SAMD12: variants seen among roughly 807,000 people sequenced by gnomAD.
SAMD12 encodes the protein sterile alpha motif domain containing 12, also known as sterile alpha motif domain-containing protein 12.
A neutral mutation model predicts 15.0 loss-of-function variants in SAMD12; 9 were observed. That is an observed-to-expected ratio of 0.60 (90% CI 0.36 to 1.05). The LOEUF (loss-of-function observed/expected upper bound fraction) is 1.05. Ranked by LOEUF, SAMD12 falls within the 50% of genes least tolerant of loss-of-function variation. The pLI, the probability that SAMD12 is intolerant of heterozygous loss-of-function variation, is 0.01. For missense variants in SAMD12, 230 were observed against 234.2 expected (o/e 0.98, Z 0.12); for synonymous variants, 86 against 90.1 (o/e 0.96, Z 0.25).
chr8:118,589,642 A>G (rs777958214), intron 1 of SAMD12, among the ~76,000 whole-genome samples: 8 of 152,220 alleles, frequency 5.3e-5, no homozygotes, highest in Non-Finnish European at 8.8e-5. Context: ...CAGAAGTTCT[A>G]TGATGCTTTA....
intron 4 of SAMD12, among the ~76,000 whole-genome samples, chr8:118,332,193 A>T (rs1043279898): frequency 3.9e-5 from 6 of 152,272 alleles, no homozygotes; most frequent in African/African-American, 1.4e-4. Context: ...TGAAAGGCTG[A>T]AAGTGTATAA....
At chr8:118,376,940 C>G (rs1281188516), downstream of SAMD12, among the ~76,000 whole-genome samples, 2 of 147,676 alleles carry the variant, frequency 1.4e-5, no homozygotes, top group Non-Finnish European at 3.0e-5. Context: ...TATAGCAAAC[C>G]TAGACCCAAA....
intron 2 of SAMD12, among the ~76,000 whole-genome samples, chr8:118,457,350 C>A (rs1447410795): frequency 6.6e-6 from 1 of 151,758 alleles, no homozygotes; most frequent in Non-Finnish European, 1.5e-5. Context: ...CCCACCTTAG[C>A]CTCCTGAACA....
At chr8:118,368,255 G>A (rs753250751) in intron 4 of SAMD12, among the ~76,000 whole-genome samples, 1 of 152,180 alleles carries the variant, frequency 6.6e-6, no homozygotes, top group Non-Finnish European at 1.5e-5. Flanking sequence ...GAAGGGACAC[G>A]TGATTCGCAG....
At chr8:118,394,690 C>G (rs1415885931) in intron 3 of SAMD12, 1 of 152,330 alleles carries the variant, frequency 6.6e-6, no homozygotes, top group East Asian at 1.9e-4. Flanking sequence ...CTGCAACAGT[C>G]ACCTAGTAGA....
At chr8:118,165,632 A>T in the SAMD12 span, among the ~76,000 whole-genome samples, 1 of 143,076 alleles carries the variant, frequency 7.0e-6, no homozygotes, top group African/African-American at 2.7e-5. Context: ...ATATATATAT[A>T]TATACATATA....
At chr8:118,406,585 T>G (rs1821141094) in intron 3 of SAMD12, among the ~76,000 whole-genome samples, 1 of 152,126 alleles carries the variant, frequency 6.6e-6, no homozygotes. Flanking sequence ...TTAACCATTT[T>G]AAAGTGGACA....
chr8:118,165,994 G>A, the SAMD12 span, among the ~76,000 whole-genome samples: 20 of 152,004 alleles, frequency 1.3e-4, no homozygotes, highest in Non-Finnish European at 1.3e-4. Flanking sequence ...TTTCAGTTCC[G>A]TGCAATAAAT....
chr8:118,383,845 G>A (rs1167925540), intron 3 of SAMD12, among the ~76,000 whole-genome samples: 1 of 152,026 alleles, frequency 6.6e-6, no homozygotes, highest in Non-Finnish European at 1.5e-5. Context: ...GCCACTATTT[G>A]GGGTGCTGTG....
chr8:118,153,842 A>T, the SAMD12 span, among the ~76,000 whole-genome samples: 1 of 152,094 alleles, frequency 6.6e-6, no homozygotes, highest in African/African-American at 2.4e-5. Flanking sequence ...CAGTCATTCT[A>T]CTTAGAAGCC....
intron 4 of SAMD12, among the ~76,000 whole-genome samples, chr8:118,312,233 T>C (rs1815667529): frequency 6.6e-6 from 1 of 152,230 alleles, no homozygotes; most frequent in South Asian, 2.1e-4. Context: ...TCATGTTATA[T>C]AGCTTTGCAG....
At chr8:118,616,811 C>CA (rs1828250228) in intron 1 of SAMD12, among the ~76,000 whole-genome samples, 1 of 152,216 alleles carries the variant, frequency 6.6e-6, no homozygotes, top group South Asian at 2.1e-4. Flanking sequence ...AGCAAGCAAG[C>CA]ATTACCACCC....
chr8:118,251,760 A>AAAG (rs1403462783), intron 4 of SAMD12, among the ~76,000 whole-genome samples: 1 of 152,102 alleles, frequency 6.6e-6, no homozygotes. Context: ...TTCACAGCTG[A>AAAG]AAGGGGGCCA....
intron 4 of SAMD12, among the ~76,000 whole-genome samples, chr8:118,327,133 T>A (rs367992290): frequency 6.6e-6 from 1 of 152,228 alleles, no homozygotes; most frequent in Non-Finnish European, 1.5e-5. Flanking sequence ...AGAATTCTAA[T>A]GTGATTGATT....
chr8:118,173,235 C>T, the SAMD12 span, among the ~76,000 whole-genome samples: 5 of 152,242 alleles, frequency 3.3e-5, no homozygotes, highest in African/African-American at 7.2e-5. Flanking sequence ...AAGTATTGAT[C>T]GAGGCAGGGT....
chr8:118,447,246 A>T (rs1291461092), intron 2 of SAMD12, among the ~76,000 whole-genome samples: 1 of 152,106 alleles, frequency 6.6e-6, no homozygotes, highest in Non-Finnish European at 1.5e-5. Context: ...GCATCTATGT[A>T]CTAATACAAC....
At chr8:118,325,209 G>T (rs1816510016) in intron 4 of SAMD12, among the ~76,000 whole-genome samples, 1 of 152,188 alleles carries the variant, frequency 6.6e-6, no homozygotes, top group Non-Finnish European at 1.5e-5. Flanking sequence ...ACCCTAATTT[G>T]AGAATTGCCT....
intron 2 of SAMD12, among the ~76,000 whole-genome samples, chr8:118,558,344 T>C (rs762828350): frequency 1.8e-4 from 27 of 152,204 alleles, no homozygotes; most frequent in Non-Finnish European, 3.2e-4. Context: ...TCTTCTATGA[T>C]TGTAAATTTG....
intron 4 of SAMD12, among the ~76,000 whole-genome samples, chr8:118,302,073 TGAGA>T: frequency 7.4e-6 from 1 of 135,532 alleles, no homozygotes; most frequent in African/African-American, 2.7e-5. Context: ...GCCAGATCTT[TGAGA>T]GTTTTTTTTT....
Sources: allele counts gnomAD v4.1 joint callset (sites outside exome capture counted in the v4.1 genomes callset), GRCh38; gene constraint gnomAD v4.1.1; transcripts MANE v1.5; gene names NCBI Gene and HGNC (gene_info 2026-07-23, HGNC 2026-07-21).